The following ZFAND4 variants were observed in gnomAD, a reference collection of about 807,000 sequenced individuals.
The protein encoded by ZFAND4 is zinc finger AN1-type containing 4.
In ZFAND4, 43 loss-of-function variants were observed where a neutral mutation model predicts 64.4. That is an observed-to-expected ratio of 0.67 (90% CI 0.52 to 0.86). ZFAND4 has a LOEUF of 0.86. Ranked by LOEUF, ZFAND4 falls within the 40% of genes least tolerant of loss-of-function variation. ZFAND4 has a pLI of 0.00. For missense variants in ZFAND4, 929 were observed against 859.8 expected, an observed-to-expected ratio of 1.08 and a Z score of -1.01; for synonymous variants, 296 against 305.7, an observed-to-expected ratio of 0.97 and a Z score of 0.33.
chr10:45,625,991 C>A lies in ZFAND4; in HGVS notation c.1832G>T (p.Arg611Met). The stretch of plus-strand genomic sequence containing the variant: ...ATGTTCTAACTGGGGAGAACTTTTC[C>A]TAAAGTTTTCTTCCTGAAAATGCTG... ...NLQHFQEENF[R>M]KSSPQLEHTG... Residue 611 changes from arginine (R) to methionine (M), a missense_variant, in exon 7 of 10, where the codon AGG becomes ATG. By Grantham distance (91) the Arg-to-Met change is moderately conservative. Coordinates refer to ENST00000344646, the MANE Select transcript of ZFAND4 (RefSeq NM_174890.4). The A allele has an allele frequency of 6.2e-7, 1 of 1,614,084 alleles. No homozygotes were observed. The highest frequency in any genetic ancestry group is 1.1e-5 in the South Asian group (1 of 91,068).
rs1487897050 is a variant in ZFAND4 at position 45,672,545 on chromosome 10, AGCGCCGAGCGCCC to A, written c.-426_-414del. The A allele has an allele frequency of 1.3e-5, 2 of 152,024 alleles. No homozygotes were observed. The highest frequency in any genetic ancestry group is 4.8e-5 in the African/African-American group (2 of 41,422). The allele number at this position is 152,024 out of a possible 1,614,324, so 9.4% of individuals were successfully genotyped here. A position where few individuals can be genotyped will look rare whatever the true frequency, so the allele number is the denominator to read the frequency against. On this transcript the variant is annotated 5_prime_UTR_variant, in exon 1 of 10. The change abolishes the stop of an existing upstream ORF in the 5' untranslated region. Coordinates refer to ENST00000344646, the MANE Select transcript of ZFAND4 (RefSeq NM_174890.4). ...GGGACAGGACTCTACCCGGCAGCCC[AGCGCCGAGCGCCC>A]GCGCCACTCCGGCCTTGCGCCATTC...
intron 1 of ZFAND4, among the ~76,000 whole-genome samples, chr10:45,665,434 G>A (rs564040300): frequency 7.9e-5 from 12 of 152,184 alleles, no homozygotes; most frequent in East Asian, 3.9e-4. Context: ...CCAGCTACTC[G>A]GGAGGCTGAG....
rs745517435 is a variant in ZFAND4 at position 45,626,836 on chromosome 10, A to G, written c.987T>C (p.Ser329=). 1 of 1,614,224 alleles carries G rather than the reference A, an allele frequency of 6.2e-7. No homozygotes were observed. Among genetic ancestry groups the G allele is most frequent in the Non-Finnish European group, 8.5e-7 (1 of 1,180,052 alleles). Residue 329 remains serine, a synonymous_variant, in exon 7 of 10, where the codon TCT becomes TCC. Transcript: ENST00000344646. ...EDNSWENNTL[S]HFSSNVKLPP... is the part of the protein sequence containing the mutation. ...GTAGTTTGACGTTGCTACTGAAGTG[A>G]GACAGTGTGTTATTCTCCCAGCTAT...
chr10:45,642,409 C>A (rs949636897), intron 5 of ZFAND4, among the ~76,000 whole-genome samples: 4 of 151,962 alleles, frequency 2.6e-5, no homozygotes, highest in Admixed American at 6.5e-5. Context: ...AGATCGAGAC[C>A]ATCCTGGCTA....
At chr10:45,641,175 A>G (rs377200996) in intron 5 of ZFAND4, among the ~76,000 whole-genome samples, 1 of 152,258 alleles carries the variant, frequency 6.6e-6, no homozygotes, top group Non-Finnish European at 1.5e-5. Flanking sequence ...GATGAACTGA[A>G]CACAAAGATT....
chr10:45,651,975 T>C lies in ZFAND4; in HGVS notation c.319A>G (p.Thr107Ala), dbSNP rs1258843328. 6.2e-7 allele frequency: 1 copy of C among 1,613,666 alleles called. No individual in the cohort carries two copies. Among genetic ancestry groups the C allele is most frequent in the Admixed American group, 1.7e-5 (1 of 60,012 alleles). ...ATATATATATGCCTACCTCTTCTAG[T>C]ATTTATAGGTCCGCCACGCATAGCC... ...VLAMRGGPIN[T>A]RRVPTDDPLR... The change falls in exon 4 of 10, where the codon ACT becomes GCT. Residue 107 changes from threonine (T) to alanine (A), a missense_variant. Physicochemically the swap from Thr to Ala is moderately conservative, Grantham distance 58 (BLOSUM62 0). Coordinates refer to ENST00000344646, the MANE Select transcript of ZFAND4 (RefSeq NM_174890.4).
chr10:45,654,008 T>G (rs2047931940), intron 2 of ZFAND4, among the ~76,000 whole-genome samples: 1 of 152,156 alleles, frequency 6.6e-6, no homozygotes, highest in Non-Finnish European at 1.5e-5. Context: ...TAAAATCATG[T>G]CCTTTGCAGC....
chr10:45,633,415 T>C (rs1458145261), intron 6 of ZFAND4, among the ~76,000 whole-genome samples: 2 of 151,742 alleles, frequency 1.3e-5, no homozygotes, highest in East Asian at 3.9e-4. Flanking sequence ...TTAAAAACAA[T>C]GAAAAATCAA....
chr10:45,618,119 T>C, intron 9 of ZFAND4, 21 bp downstream of exon 9: 1 of 1,600,362 alleles, frequency 6.2e-7, no homozygotes, highest in Non-Finnish European at 8.5e-7. Flanking sequence ...GCATCTGAGC[T>C]TCTCCAGCTC....
chr10:45,631,208 T>G (rs911033613), intron 6 of ZFAND4, among the ~76,000 whole-genome samples: 2 of 150,244 alleles, frequency 1.3e-5, no homozygotes, highest in African/African-American at 4.9e-5. Context: ...GTCCAGCTAC[T>G]CCGGAGGCAG....
intron 1 of ZFAND4, among the ~76,000 whole-genome samples, chr10:45,664,127 G>A (rs2048651563): frequency 6.6e-6 from 1 of 152,108 alleles, no homozygotes; most frequent in Non-Finnish European, 1.5e-5. Context: ...TACTTTTGTT[G>A]TTAAGTGATA....
Position 45,626,652 on chromosome 10 carries a change from C to A in ZFAND4, c.1171G>T (p.Glu391Ter). 1 of 1,614,160 alleles carries A rather than the reference C, an allele frequency of 6.2e-7. No individual in the cohort carries two copies. Among genetic ancestry groups the A allele is most frequent in the South Asian group, 1.1e-5 (1 of 91,062 alleles). The change falls in exon 7 of 10, where the codon GAA becomes TAA. Residue 391 changes from glutamate to a stop codon, truncating the protein, a stop_gained. Coordinates refer to ENST00000344646, the MANE Select transcript of ZFAND4 (RefSeq NM_174890.4). LOFTEE classifies it high-confidence loss of function. ...CCCACTTTAGGTAGAAGTGATTGTTCGGTTACACATTCTTCTGAAGGTAAG... is the reference window on the plus strand; with the variant it reads ...CCCACTTTAGGTAGAAGTGATTGTTAGGTTACACATTCTTCTGAAGGTAAG... The part of the protein sequence containing the change: ...IVLPSEECVT[E>*]QSLLPKVGSL...
chr10:45,631,047 G>T (rs566980531), intron 6 of ZFAND4, among the ~76,000 whole-genome samples: 3 of 151,816 alleles, frequency 2.0e-5, no homozygotes, highest in Admixed American at 6.6e-5. Flanking sequence ...GGCCGGGCGC[G>T]GTGGCTCACG....
At chr10:45,658,284 G>A (rs570228709) in intron 2 of ZFAND4, among the ~76,000 whole-genome samples, 1 of 152,252 alleles carries the variant, frequency 6.6e-6, no homozygotes, top group East Asian at 1.9e-4. Flanking sequence ...AGAAGACCAG[G>A]GTGATGCCTT....
At position 45,653,338 on chromosome 10, in the gene ZFAND4, TATC is replaced by T. The variant is rs1448008641; in HGVS notation, c.185-282_185-280del. 3.3e-5 allele frequency among the ~76,000 whole-genome samples: 5 copies of T among 152,172 alleles called. No homozygotes were observed. The East Asian group carries it at 9.6e-4, about 29-fold the overall frequency. On this transcript the variant is annotated intron_variant, in intron 2 of 9. Transcript: ENST00000344646. The stretch of plus-strand genomic sequence containing the variant: ...ATAGGGATCCCTTTAAAAGGCAAGA[TATC>T]ATGCTCCTGCACAGCAAAAGAAACT...
intron 5 of ZFAND4, among the ~76,000 whole-genome samples, chr10:45,644,592 T>C (rs2047242834): frequency 6.6e-6 from 1 of 152,208 alleles, no homozygotes; most frequent in Non-Finnish European, 1.5e-5. Flanking sequence ...TCACAGCAGT[T>C]GAGGAAGTAT....
intron 5 of ZFAND4, among the ~76,000 whole-genome samples, chr10:45,642,403 C>T (rs1048845428): frequency 5.3e-5 from 8 of 151,902 alleles, no homozygotes; most frequent in African/African-American, 1.9e-4. Context: ...GTCAGGAGAT[C>T]GAGACCATCC....
chr10:45,639,352 A>G (rs763470142), intron 6 of ZFAND4, among the ~76,000 whole-genome samples: 4 of 152,168 alleles, frequency 2.6e-5, no homozygotes, highest in Non-Finnish European at 5.9e-5. Flanking sequence ...CACCACAAAC[A>G]AAGTAGGATT....
Position 45,663,565 on chromosome 10 carries a change from T to C in ZFAND4, c.161A>G (p.Lys54Arg). ...VSPFETVISV[K>R]AKIRRLEGIP... ...ACCTTCCAATCTTCGAATTTTTGCT[T>C]TCACAGAAATAACAGTTTCAAAAGG... is the stretch of plus-strand genomic sequence containing the variant. Residue 54 changes from lysine to arginine, a missense_variant, in exon 2 of 10, where the codon AAA becomes AGA. Lys to Arg is a conservative substitution (Grantham distance 26). Coordinates refer to ENST00000344646, the MANE Select transcript of ZFAND4 (RefSeq NM_174890.4). 1 of 1,591,794 alleles carries C rather than the reference T, an allele frequency of 6.3e-7. No homozygotes were observed. Among genetic ancestry groups the C allele is most frequent in the East Asian group, 2.2e-5 (1 of 44,488 alleles).
Sources: gnomAD v4.1 joint callset for allele counts (sites outside exome capture counted in the v4.1 genomes callset) on GRCh38, gnomAD v4.1.1 for gene constraint, MANE v1.5 for transcripts, NCBI Gene and HGNC (gene_info 2026-07-23, HGNC 2026-07-21) for gene names.